TIMP2: variants seen among roughly 807,000 people sequenced by gnomAD.
The protein encoded by TIMP2 is metalloproteinase inhibitor 2.
Under a neutral mutation model 24.3 loss-of-function variants are expected in TIMP2, and 5 were observed. The ratio of observed to expected loss-of-function variants is 0.21; its 90% CI spans 0.11 to 0.43. The LOEUF (loss-of-function observed/expected upper bound fraction) is 0.43. Ranked by LOEUF, TIMP2 falls within the 20% of genes least tolerant of loss-of-function variation. TIMP2 has a pLI of 1.00. For synonymous variants in TIMP2, 130 were observed against 123.2 expected, an observed-to-expected ratio of 1.06 and a Z score of -0.37; for missense variants, 221 against 297.5, an observed-to-expected ratio of 0.74 and a Z score of 1.89.
At chr17:78,898,218 G>T (rs1288216886) in intron 1 of TIMP2, 1 of 152,332 alleles carries the variant, frequency 6.6e-6, no homozygotes, top group East Asian at 1.9e-4. Flanking sequence ...CTCACCATAG[G>T]AGGTGAGGCC....
chr17:78,894,273 G>A (rs918877065), intron 1 of TIMP2, among the ~76,000 whole-genome samples: 1 of 152,018 alleles, frequency 6.6e-6, no homozygotes, highest in South Asian at 2.1e-4. Flanking sequence ...CTGGTAAGTG[G>A]CAGAGACAGG....
chr17:78,885,832 G>C (rs1369791932), intron 1 of TIMP2, among the ~76,000 whole-genome samples: 2 of 152,208 alleles, frequency 1.3e-5, no homozygotes, highest in South Asian at 2.1e-4. Flanking sequence ...TCCTGGTGGA[G>C]GCTCTGGGTG....
At chr17:78,913,895 G>GGAAAA (rs71161636) in intron 1 of TIMP2, among the ~76,000 whole-genome samples, 21 of 102,168 alleles carry the variant, frequency 2.1e-4, no homozygotes, top group African/African-American at 4.1e-4. Flanking sequence ...CTGTCTCGGG[G>GGAAAA]AAAAAAAAAA....
chr17:78,919,597 G>A (rs1198666498), intron 1 of TIMP2, among the ~76,000 whole-genome samples: 2 of 152,208 alleles, frequency 1.3e-5, no homozygotes, highest in Non-Finnish European at 2.9e-5. Flanking sequence ...CACTTTGGGA[G>A]GCCGAGGTGG....
intron 1 of TIMP2, among the ~76,000 whole-genome samples, chr17:78,894,073 G>A (rs978785977): frequency 6.6e-6 from 1 of 152,196 alleles, no homozygotes; most frequent in African/African-American, 2.4e-5. Flanking sequence ...TGTAGTTGCA[G>A]GAGTCAGAAA....
At chr17:78,875,338 C>T (rs570260709) in intron 1 of TIMP2, among the ~76,000 whole-genome samples, 38 of 152,290 alleles carry the variant, frequency 2.5e-4, no homozygotes, top group East Asian at 5.8e-4. Context: ...AACTAAGCCC[C>T]AACCAAACAG....
chr17:78,922,602 G>A (rs1203467870), intron 1 of TIMP2, among the ~76,000 whole-genome samples: 1 of 152,200 alleles, frequency 6.6e-6, no homozygotes, highest in South Asian at 2.1e-4. Flanking sequence ...CGGATCACCT[G>A]AGGCCAGGAG....
Position 78,855,824 on chromosome 17 carries a change from G to A in TIMP2, c.506C>T (p.Pro169Leu), listed in dbSNP as rs201018196. Residue 169 changes from proline to leucine, a missense_variant, in exon 5 of 5, where the codon CCG becomes CTG. Coordinates refer to ENST00000262768, the MANE Select transcript of TIMP2 (RefSeq NM_003255.5). This position sits in a 1 kb window ranked among gnomAD's most constrained non-coding sequence, Gnocchi z 6.0. ...CCAGTCCATCCAGAGGCACTCGTCC[G>A]GGGAGGAGATGTAGCACGGGATCAT... is the stretch of plus-strand genomic sequence containing the variant. ...CPMIPCYISS[P>L]DECLWMDWVT... 1.1e-4 allele frequency: 180 copies of A among 1,614,120 alleles called. 1 individual carries two copies. The highest frequency in any genetic ancestry group is 3.5e-4 in the South Asian group (32 of 91,090).
In TIMP2 at chr17:78,915,739, T is replaced by C. The variant is rs137925596; in HGVS notation, c.130+9220A>G. Among the ~76,000 whole-genome samples the C allele has an allele frequency of 6.4e-3, 980 of 152,020 alleles. 11 individuals carry two copies. Among genetic ancestry groups the C allele is most frequent in the African/African-American group, 0.023 (936 of 41,472 alleles). ...TTCACCATGTTGGCAAGGCTGGTCT[T>C]GAACTCCCGACCTCAGGCGATCCAC... is the stretch of plus-strand genomic sequence containing the variant. On this transcript the variant is annotated intron_variant, in intron 1 of 4. Coordinates refer to ENST00000262768, the MANE Select transcript of TIMP2 (RefSeq NM_003255.5).
chr17:78,919,168 C>T (rs1728178923), intron 1 of TIMP2, among the ~76,000 whole-genome samples: 1 of 152,256 alleles, frequency 6.6e-6, no homozygotes. Context: ...CCCGCTCCAG[C>T]ACGCGGAGTT....
In TIMP2 at chr17:78,892,433, C is replaced by T. The variant is rs567644419; in HGVS notation, c.131-18514G>A. ...GGGCGCCCCCGGGCCTGAGGAGCCACAGAAGCCACAACGTTCCACAGCAAA... is the reference window on the plus strand; with the variant it reads ...GGGCGCCCCCGGGCCTGAGGAGCCATAGAAGCCACAACGTTCCACAGCAAA... On this transcript the variant is annotated intron_variant, in intron 1 of 4. Transcript: ENST00000262768. The T allele has an allele frequency of 1.9e-6, 3 of 1,549,818 alleles. No individual in the cohort carries two copies. The East Asian group carries it at 7.3e-5, about 38-fold the overall frequency.
intron 1 of TIMP2, among the ~76,000 whole-genome samples, chr17:78,877,865 G>C (rs960903345): frequency 2.4e-4 from 37 of 151,834 alleles, no homozygotes; most frequent in African/African-American, 8.5e-4. Context: ...CACCATGCCC[G>C]GCTAATTTTT....
Position 78,891,406 on chromosome 17 carries a change from C to A in TIMP2, c.131-17487G>T, listed in dbSNP as rs1275375253. Reference sequence around the variant, plus strand: ...CCCCAGGTCTCTGGTCCATCCTGGGCTTCAGTGCCAGGTACAAGCACAGGT... The same window carrying A: ...CCCCAGGTCTCTGGTCCATCCTGGGATTCAGTGCCAGGTACAAGCACAGGT... On this transcript the variant is annotated intron_variant, in intron 1 of 4. Coordinates refer to ENST00000262768, the MANE Select transcript of TIMP2 (RefSeq NM_003255.5). The surrounding 1 kb of genome is among the most constrained non-coding windows in gnomAD (Gnocchi z 4.5). The A allele has an allele frequency of 6.4e-6, 10 of 1,550,738 alleles. No individual in the cohort carries two copies. Among genetic ancestry groups the A allele is most frequent in the Non-Finnish European group, 8.7e-6 (10 of 1,147,036 alleles).
Position 78,883,616 on chromosome 17 carries a change from AGGGAATGC to A in TIMP2, c.131-9705_131-9698del, listed in dbSNP as rs534650631. On this transcript the variant is annotated intron_variant, in intron 1 of 4. Transcript: ENST00000262768. ...GGGGTGCTCCAGGCCCTGCCGCCCC[AGGGAATGC>A]TCCCTCCCCGGCTGCCTGAGATTCT... Among the ~76,000 whole-genome samples the A allele has an allele frequency of 4.1e-3, 629 of 152,170 alleles. 5 individuals carry two copies. The highest frequency in any genetic ancestry group is 0.014 in the African/African-American group (599 of 41,504).
chr17:78,877,127 C>T (rs1295059462), intron 1 of TIMP2, among the ~76,000 whole-genome samples: 1 of 152,232 alleles, frequency 6.6e-6, no homozygotes, highest in South Asian at 2.1e-4. Context: ...CAACTTTGGG[C>T]TGGTGGCCCA....
At chr17:78,883,163 C>T (rs1199406295) in intron 1 of TIMP2, among the ~76,000 whole-genome samples, 1 of 152,214 alleles carries the variant, frequency 6.6e-6, no homozygotes, top group African/African-American at 2.4e-5. Context: ...AAGCCAGCAA[C>T]GGGGCCTTCT....
At chr17:78,861,010 T>C (rs1599144922) in intron 3 of TIMP2, among the ~76,000 whole-genome samples, 1 of 142,010 alleles carries the variant, frequency 7.0e-6, no homozygotes, top group East Asian at 2.1e-4. Context: ...CACTCCAGCC[T>C]GGGCAACAGA....
intron 1 of TIMP2, among the ~76,000 whole-genome samples, chr17:78,916,963 T>A (rs2070264292): frequency 6.6e-6 from 1 of 152,024 alleles, no homozygotes; most frequent in South Asian, 2.1e-4. Context: ...TCGGTAAGAG[T>A]CTCTAGCAAG....
chr17:78,899,823 G>C (rs1023577711), intron 1 of TIMP2: 1 of 152,148 alleles, frequency 6.6e-6, no homozygotes, highest in East Asian at 1.9e-4. Flanking sequence ...ACCCTCCAAG[G>C]GAACAAAGAG....
Sources: allele counts gnomAD v4.1 joint callset (sites outside exome capture counted in the v4.1 genomes callset), GRCh38; gene constraint gnomAD v4.1.1; non-coding constraint Gnocchi (gnomAD v3.1); transcripts MANE v1.5; gene names NCBI Gene and HGNC (gene_info 2026-07-23, HGNC 2026-07-21).